Variants in ZNF2 observed in about 807,000 individuals in gnomAD.
ZNF2 encodes the protein zinc finger protein 2.
Under a neutral mutation model 21.9 loss-of-function variants are expected in ZNF2, and 12 were observed. That is an observed-to-expected ratio of 0.55 (90% CI 0.35 to 0.89). The LOEUF is 0.89. Ranked by LOEUF, ZNF2 falls within the 40% of genes least tolerant of loss-of-function variation. The probability of loss-of-function intolerance (pLI) is 0.01; values close to 1 mark genes in which losing one functional copy is unlikely to be tolerated. For synonymous variants in ZNF2, 186 were observed against 196.3 expected (o/e 0.95, Z 0.44); for missense variants, 462 against 544.2 (o/e 0.85, Z 1.50).
intron 3 of ZNF2, 145 bp downstream of exon 3, chr2:95,177,754 G>A: frequency 1.8e-6 from 2 of 1,088,380 alleles, no homozygotes; most frequent in Non-Finnish European, 2.6e-6. Context: ...TGGCATCAGA[G>A]TACAGCAACG....
chr2:95,169,654 G>A (rs1674205217), intron 1 of ZNF2, among the ~76,000 whole-genome samples: 1 of 152,134 alleles, frequency 6.6e-6, no homozygotes. Flanking sequence ...GGAGGCTGAG[G>A]CAGGAGAATC....
At chr2:95,173,541 A>T (rs965218040) in intron 1 of ZNF2, among the ~76,000 whole-genome samples, 2 of 152,212 alleles carry the variant, frequency 1.3e-5, no homozygotes, top group Admixed American at 6.5e-5. Context: ...TTCAAGTTCT[A>T]CCTCAGATTC....
At chr2:95,180,340 A>T (rs1295723366) in intron 4 of ZNF2, 68 bp downstream of exon 4, 1 of 986,724 alleles carries the variant, frequency 1.0e-6, no homozygotes, top group Admixed American at 2.0e-5. Flanking sequence ...GATGGGGGAA[A>T]TAACAGGTAT....
chr2:95,181,050 G>A (rs1287260691), intron 4 of ZNF2, 53 bp from the exon 5 acceptor site: 1 of 1,573,540 alleles, frequency 6.4e-7, no homozygotes, highest in Admixed American at 1.8e-5. Flanking sequence ...TCTTCTTTCT[G>A]TAATATTTCC....
In ZNF2 at chr2:95,182,461, AT is replaced by A. The variant is rs567266618; in HGVS notation, c.*366del. On this transcript the variant is annotated 3_prime_UTR_variant, in exon 5 of 5. Transcript: ENST00000614034. ...GGCAGAATGATATCACAGCAGTACT[AT>A]TTTTTTTTTTCAGAACATTTGTTTT... 926 of 169,978 alleles carry A rather than the reference AT, an allele frequency of 5.4e-3. No individual in the cohort carries two copies. Among genetic ancestry groups the A allele is most frequent in the Middle Eastern group, 0.011 (4 of 360 alleles). The allele number at this position is 169,978 out of a possible 1,614,324, so 10.5% of individuals were successfully genotyped here.
At chr2:95,174,898 GTGACCA>G (rs796641358) in intron 1 of ZNF2, among the ~76,000 whole-genome samples, 3 of 152,338 alleles carry the variant, frequency 2.0e-5, no homozygotes, top group African/African-American at 7.2e-5. Context: ...ACAAGAAGCA[GTGACCA>G]TATCCCCTTG....
intron 3 of ZNF2, 89 bp downstream of exon 3, chr2:95,177,698 G>A (rs1674495983): frequency 5.4e-6 from 8 of 1,472,862 alleles, no homozygotes; most frequent in South Asian, 2.8e-5. Context: ...TCTCCTCCCC[G>A]CTGAGTTCTG....
At position 95,180,241 on chromosome 2, in the gene ZNF2, G is replaced by A. The variant is rs191914402; in HGVS notation, c.243G>A (p.Glu81=). 4.2e-5 allele frequency: 68 copies of A among 1,613,996 alleles called. No homozygotes were observed. The East Asian group carries it at 1.2e-3, about 29-fold the overall frequency. The change falls in exon 4 of 5, where the codon GAG becomes GAA. Residue 81 remains glutamate, a synonymous_variant. Transcript: ENST00000614034. The part of the protein sequence containing the change: ...KPWMVDLHGS[E]EREWPESVSL... The stretch of plus-strand genomic sequence containing the variant: ...GGATGGTAGATCTTCATGGGTCTGA[G>A]GAGAGAGAATGGCCAGAGAGTGTCT...
chr2:95,180,965 C>T (rs1674616636), intron 4 of ZNF2, 138 bp from the exon 5 acceptor site: 1 of 1,049,802 alleles, frequency 9.5e-7, no homozygotes, highest in Middle Eastern at 2.6e-4. Context: ...CTTAGTCCCT[C>T]CCTGCCGTGT....
chr2:95,171,280 G>A (rs1226447609), intron 1 of ZNF2, among the ~76,000 whole-genome samples: 1 of 151,912 alleles, frequency 6.6e-6, no homozygotes, highest in Non-Finnish European at 1.5e-5. Context: ...TCCATGAACG[G>A]CATCGTTATC....
Position 95,181,564 on chromosome 2 carries a change from G to C in ZNF2, c.736G>C (p.Val246Leu), listed in dbSNP as rs1306845517. ...KAFFDRSSLT[V>L]HQRIHTGEKP... ...CTTCTTTGACCGTTCGTCCCTAACT[G>C]TCCATCAGCGAATTCACACTGGAGA... The change falls in exon 5 of 5, where the codon GTC (valine) becomes CTC (leucine). Residue 246 changes from valine (V) to leucine (L), a missense_variant. By Grantham distance (32) the Val-to-Leu change is conservative (BLOSUM62 1). Coordinates refer to ENST00000614034, the MANE Select transcript of ZNF2 (RefSeq NM_021088.4). The C allele has an allele frequency of 6.2e-7, 1 of 1,614,082 alleles. No individual in the cohort carries two copies. The highest frequency in any genetic ancestry group is 2.2e-5 in the East Asian group (1 of 44,872).
intron 3 of ZNF2, among the ~76,000 whole-genome samples, chr2:95,178,306 C>T (rs1213229129): frequency 1.3e-5 from 2 of 152,090 alleles, no homozygotes; most frequent in Non-Finnish European, 2.9e-5. Flanking sequence ...TTAAAATAAG[C>T]AGCAGATGGC....
chr2:95,170,695 T>C (rs1228623252), intron 1 of ZNF2, among the ~76,000 whole-genome samples: 1 of 152,230 alleles, frequency 6.6e-6, no homozygotes, highest in Non-Finnish European at 1.5e-5. Flanking sequence ...TGTGTTTGAT[T>C]CATAAGTCTA....
intron 1 of ZNF2, among the ~76,000 whole-genome samples, chr2:95,169,111 CT>C (rs1674187172): frequency 6.6e-6 from 1 of 152,182 alleles, no homozygotes; most frequent in African/African-American, 2.4e-5. Context: ...TTTGAGAAGT[CT>C]TCAGTGTCAG....
chr2:95,174,462 C>G (rs1674376399), intron 1 of ZNF2, among the ~76,000 whole-genome samples: 1 of 152,362 alleles, frequency 6.6e-6, no homozygotes, highest in African/African-American at 2.4e-5. Flanking sequence ...CAGCACTGCT[C>G]ACAGCCTAGA....
At chr2:95,171,072 C>T (rs971994843) in intron 1 of ZNF2, among the ~76,000 whole-genome samples, 6 of 152,100 alleles carry the variant, frequency 3.9e-5, no homozygotes, top group Non-Finnish European at 8.8e-5. Flanking sequence ...ATTAACTTTT[C>T]TATTTTGAAT....
Position 95,173,382 on chromosome 2 carries a change from C to G in ZNF2, c.-39-2806C>G, listed in dbSNP as rs894998649. Among the ~76,000 whole-genome samples the G allele has an allele frequency of 2.3e-4, 35 of 152,160 alleles. 1 individual carries two copies. Among genetic ancestry groups the G allele is most frequent in the Non-Finnish European group, 2.9e-5 (2 of 68,042 alleles). ...TCTTCTCCCCAGTGACTTGTAATGC[C>G]ACCTCAGTCATACATCAGGCTTCCC... is the stretch of plus-strand genomic sequence containing the variant. On this transcript the variant is annotated intron_variant, in intron 1 of 4. Coordinates refer to ENST00000614034, the MANE Select transcript of ZNF2 (RefSeq NM_021088.4).
rs1448551200 is a variant in ZNF2 at position 95,183,746 on chromosome 2, G to T, written c.*1640G>T. ...CGCCATTCTCCTGCCTCAGCCTCCC[G>T]AATAGCTGGGACTACAGGTGCCCGC... On this transcript the variant is annotated 3_prime_UTR_variant, in exon 5 of 5. Transcript: ENST00000614034. 2.0e-5 allele frequency: 3 copies of T among 151,062 alleles called. No individual in the cohort carries two copies. In the Admixed American group the frequency reaches 2.0e-4, roughly 10 times the overall value. The allele number at this position is 151,062 out of a possible 1,614,324, so 9.4% of individuals were successfully genotyped here. A position where few individuals can be genotyped will look rare whatever the true frequency, so the allele number is the denominator to read the frequency against.
In ZNF2 at chr2:95,181,262, C is replaced by T; in HGVS notation, c.434C>T (p.Thr145Ile). ...GTEKQSPSGE[T>I]RKKSLSRDKG... The stretch of plus-strand genomic sequence containing the variant: ...GAAAAGCAAAGCCCTTCAGGGGAGA[C>T]TCGTAAGAAATCCCTCTCCCGGGAC... The change falls in exon 5 of 5, where the codon ACT (threonine) becomes ATT (isoleucine). Residue 145 changes from threonine to isoleucine, a missense_variant. Physicochemically the swap from Thr to Ile is moderately conservative, Grantham distance 89 (BLOSUM62 -1). Transcript: ENST00000614034. 1.9e-6 allele frequency: 3 copies of T among 1,614,230 alleles called. No individual in the cohort carries two copies. Among genetic ancestry groups the T allele is most frequent in the Non-Finnish European group, 2.5e-6 (3 of 1,180,040 alleles).
Sources: allele counts gnomAD v4.1 joint callset (sites outside exome capture counted in the v4.1 genomes callset), GRCh38; gene constraint gnomAD v4.1.1; transcripts MANE v1.5; gene names NCBI Gene and HGNC (gene_info 2026-07-23, HGNC 2026-07-21).